Variants in KALRN observed in about 807,000 individuals in gnomAD.
The protein encoded by KALRN is kalirin.
Under a neutral mutation model 353.7 loss-of-function variants are expected in KALRN, and 70 were observed. The ratio of observed to expected loss-of-function variants is 0.20; its 90% CI spans 0.16 to 0.24. The LOEUF is 0.24. Ranked by LOEUF, KALRN falls within the 10% of genes least tolerant of loss-of-function variation. The pLI is 1.00. For synonymous variants in KALRN, 1,391 were observed against 1,434.8 expected (o/e 0.97, Z 0.69); for missense variants, 2,791 against 3,756.7 (o/e 0.74, Z 6.72).
intron 5 of KALRN, among the ~76,000 whole-genome samples, chr3:124,287,630 A>G (rs1369481792): frequency 1.3e-5 from 2 of 151,264 alleles, no homozygotes; most frequent in African/African-American, 4.9e-5. Flanking sequence ...AATAGACAGT[A>G]GGGTTAAATA....
chr3:124,613,873 C>T (rs963629632), intron 34 of KALRN, among the ~76,000 whole-genome samples: 1 of 152,214 alleles, frequency 6.6e-6, no homozygotes, highest in Non-Finnish European at 1.5e-5. Context: ...AGCTCCCATA[C>T]TCAAGACTCA....
At chr3:124,290,911 A>C (rs2076362319) in intron 5 of KALRN, among the ~76,000 whole-genome samples, 1 of 152,238 alleles carries the variant, frequency 6.6e-6, no homozygotes, top group Admixed American at 6.5e-5. Flanking sequence ...GGGAAGAGGA[A>C]GAAAAAGAAG....
intron 1 of KALRN, among the ~76,000 whole-genome samples, chr3:124,150,070 C>T (rs1438300939): frequency 2.0e-5 from 3 of 152,198 alleles, no homozygotes; most frequent in Non-Finnish European, 4.4e-5. Context: ...ATTGGGTGGA[C>T]TGTGTCTTGC....
chr3:124,293,468 T>C (rs1448147379), intron 5 of KALRN, among the ~76,000 whole-genome samples: 1 of 152,168 alleles, frequency 6.6e-6, no homozygotes, highest in African/African-American at 2.4e-5. Context: ...ATTCCTATTA[T>C]TGAAAGGAGA....
intron 16 of KALRN, among the ~76,000 whole-genome samples, chr3:124,432,773 T>G (rs1348461776): frequency 6.6e-6 from 1 of 152,206 alleles, no homozygotes; most frequent in Non-Finnish European, 1.5e-5. Flanking sequence ...GAATAGAGGC[T>G]CACTAAGCAT....
chr3:124,428,668 C>A (rs1560908892), intron 15 of KALRN, among the ~76,000 whole-genome samples: 1 of 152,000 alleles, frequency 6.6e-6, no homozygotes, highest in Non-Finnish European at 1.5e-5. Flanking sequence ...ACTTTAAAGT[C>A]CTGGAATACC....
intron 36 of KALRN, among the ~76,000 whole-genome samples, chr3:124,634,282 A>G (rs566547444): frequency 2.0e-5 from 3 of 152,228 alleles, no homozygotes; most frequent in African/African-American, 7.2e-5. Flanking sequence ...CCAGTCCACA[A>G]CCATTTTGTC....
chr3:124,598,346 C>T lies in KALRN; in HGVS notation c.5183-34074C>T, dbSNP rs115439994. 8.0e-3 allele frequency among the ~76,000 whole-genome samples: 1,215 copies of T among 152,228 alleles called. 15 individuals carry two copies. Among genetic ancestry groups the T allele is most frequent in the African/African-American group, 0.026 (1,073 of 41,530 alleles). On this transcript the variant is annotated intron_variant, in intron 34 of 59. Transcript: ENST00000682506. ...TCTTGAGACATCCCAAGGGGCTTCC[C>T]GTAGCCAGGTGCAAGGTGAAGGTTG...
chr3:124,142,487 T>C (rs1452003634), intron 1 of KALRN, among the ~76,000 whole-genome samples: 1 of 152,230 alleles, frequency 6.6e-6, no homozygotes, highest in Non-Finnish European at 1.5e-5. Flanking sequence ...AAGATTGTTA[T>C]GTTCAGCTTT....
rs560593977 is a variant in KALRN, at chr3:124,723,470, G to A, written c.*4000G>A. Reference sequence around the variant, plus strand: ...AATGTTGAGAAATAACCTTGGTGGGGACATCTATAAAATACTTTGATTTTT... The same window carrying A: ...AATGTTGAGAAATAACCTTGGTGGGAACATCTATAAAATACTTTGATTTTT... On this transcript the variant is annotated 3_prime_UTR_variant, in exon 60 of 60. Transcript: ENST00000682506. The A allele has an allele frequency of 3.3e-5, 5 of 152,280 alleles. No homozygotes were observed. Among genetic ancestry groups the A allele is most frequent in the Admixed American group, 3.3e-4 (5 of 15,302 alleles). 9.4% of individuals were successfully genotyped at this position (152,280 alleles called of 1,614,324 possible). A position where few individuals can be genotyped will look rare whatever the true frequency, so the allele number is the denominator to read the frequency against.
At chr3:124,244,327 T>C (rs2080858094) in intron 3 of KALRN, among the ~76,000 whole-genome samples, 1 of 152,164 alleles carries the variant, frequency 6.6e-6, no homozygotes, top group Non-Finnish European at 1.5e-5. Context: ...AACCTCCGCC[T>C]CCTTGGTTCA....
chr3:124,697,680 G>A lies in KALRN; in HGVS notation c.7787G>A (p.Gly2596Glu), dbSNP rs866229918. The A allele has an allele frequency of 6.2e-7, 1 of 1,601,814 alleles. No individual in the cohort carries two copies. The highest frequency in any genetic ancestry group is 8.5e-7 in the Non-Finnish European group (1 of 1,173,750). Residue 2596 changes from glycine (G) to glutamate (E), a missense_variant, in exon 55 of 60, where the codon GGA becomes GAA. This residue lies in a region of KALRN where 1,065 missense variants were observed against 1,156.4 expected (regional missense o/e 0.92). Coordinates refer to ENST00000682506, the MANE Select transcript of KALRN (RefSeq NM_001388419.1). ...CGCTGGCTGCCCCCCTCCAGCACAG[G>A]AAACTGCACTATTTCTGGTTACACT... ...ILRWLPPSSTGNCTISGYTVE... is the reference protein window; with the variant it reads ...ILRWLPPSSTENCTISGYTVE...
intron 51 of KALRN, among the ~76,000 whole-genome samples, chr3:124,682,320 C>G (rs1331726698): frequency 6.6e-6 from 1 of 152,184 alleles, no homozygotes; most frequent in Non-Finnish European, 1.5e-5. Flanking sequence ...GAACTTGATG[C>G]TGCAATGGGC....
chr3:124,037,909 G>A (rs2039577207), intron 1 of KALRN, among the ~76,000 whole-genome samples: 1 of 152,118 alleles, frequency 6.6e-6, no homozygotes, highest in African/African-American at 2.4e-5. Flanking sequence ...GTTAGCTTTG[G>A]ACATGAAGCA....
chr3:124,564,162 G>A (rs1211899304), intron 34 of KALRN, among the ~76,000 whole-genome samples: 15 of 138,362 alleles, frequency 1.1e-4, no homozygotes, highest in South Asian at 2.3e-4. Flanking sequence ...TCGAGATCGC[G>A]CCACCGCACT....
chr3:124,507,211 C>T (rs543986141), intron 33 of KALRN, among the ~76,000 whole-genome samples: 1 of 152,182 alleles, frequency 6.6e-6, no homozygotes, highest in African/African-American at 2.4e-5. Context: ...CACCCCACTT[C>T]ATCCTGCCAC....
chr3:124,439,833 G>C (rs2093615107), intron 18 of KALRN, among the ~76,000 whole-genome samples: 1 of 152,160 alleles, frequency 6.6e-6, no homozygotes, highest in Non-Finnish European at 1.5e-5. Flanking sequence ...CTTCTCCTCT[G>C]ATCGCCTCTC....
intron 34 of KALRN, among the ~76,000 whole-genome samples, chr3:124,618,704 T>G (rs72964609): frequency 1.3e-5 from 2 of 152,266 alleles, no homozygotes; most frequent in African/African-American, 4.8e-5. Flanking sequence ...GGCCCTGATT[T>G]ATGGGGAAAT....
chr3:124,632,719 C>T lies in KALRN; in HGVS notation c.5466+16C>T. 6.2e-7 allele frequency: 1 copy of T among 1,607,410 alleles called. No individual in the cohort carries two copies. The highest frequency in any genetic ancestry group is 1.1e-5 in the South Asian group (1 of 90,532). ...CGCTGATGAGGTACTTACAGGGGGC[C>T]CTGGAGTTGTCCATCAGGAGGGCCT... On this transcript the variant is annotated intron_variant, in intron 35 of 59. Transcript: ENST00000682506.
Sources: allele counts gnomAD v4.1 joint callset (sites outside exome capture counted in the v4.1 genomes callset), GRCh38; gene constraint gnomAD v4.1.1; regional missense constraint gnomAD v4.1.1; transcripts MANE v1.5; gene names NCBI Gene and HGNC (gene_info 2026-07-23, HGNC 2026-07-21).